HPSE2: variants seen among roughly 807,000 people sequenced by gnomAD.
The protein encoded by HPSE2 is inactive heparanase-2.
HPSE2 carries 38 observed loss-of-function variants against 60.5 expected under a neutral mutation model. The observed-to-expected ratio is 0.63, with a 90% confidence interval of 0.48 to 0.82. The LOEUF is 0.82. Ranked by LOEUF, HPSE2 falls within the 40% of genes least tolerant of loss-of-function variation. The probability of loss-of-function intolerance (pLI) is 0.00; values close to 1 mark genes in which losing one functional copy is unlikely to be tolerated. For missense variants in HPSE2, 713 were observed against 740.4 expected, an observed-to-expected ratio of 0.96 and a Z score of 0.43; for synonymous variants, 295 against 293.2, an observed-to-expected ratio of 1.01 and a Z score of -0.06.
At position 98,897,295 on chromosome 10, in the gene HPSE2, G is replaced by A. The variant is rs538901510; in HGVS notation, c.611-153239C>T. Among the ~76,000 whole-genome samples, 214 of 152,176 alleles carry A rather than the reference G, an allele frequency of 1.4e-3. 1 individual carries two copies. Among genetic ancestry groups the A allele is most frequent in the African/African-American group, 4.9e-3 (202 of 41,540 alleles). The stretch of plus-strand genomic sequence containing the variant: ...GAAATCTCCACTAAAGAAGTTATTC[G>A]TGTAACCAAAAACCAACTGTTGCCC... On this transcript the variant is annotated intron_variant, in intron 3 of 11. Transcript: ENST00000370552.
the HPSE2 span, among the ~76,000 whole-genome samples, chr10:99,300,980 T>A: frequency 1.1e-4 from 16 of 152,208 alleles, no homozygotes; most frequent in African/African-American, 3.9e-4. Context: ...ATGGGGAGTA[T>A]AGATTTGTTC....
chr10:98,472,579 C>T (rs540978419), intron 11 of HPSE2, among the ~76,000 whole-genome samples: 6 of 152,326 alleles, frequency 3.9e-5, no homozygotes, highest in African/African-American at 9.6e-5. Context: ...CAGCTTTCCT[C>T]ACATGGTCTT....
intron 3 of HPSE2, among the ~76,000 whole-genome samples, chr10:99,097,441 T>C (rs1843756911): frequency 6.6e-6 from 1 of 152,200 alleles, no homozygotes; most frequent in African/African-American, 2.4e-5. Flanking sequence ...TCTAATATTC[T>C]GGAAAATAAC....
At chr10:98,885,615 G>A (rs998584599) in intron 3 of HPSE2, among the ~76,000 whole-genome samples, 2 of 152,036 alleles carry the variant, frequency 1.3e-5, no homozygotes, top group African/African-American at 4.8e-5. Context: ...TAGAGACAAG[G>A]CCCTCCACTA....
intron 3 of HPSE2, among the ~76,000 whole-genome samples, chr10:98,887,674 G>A (rs1032433380): frequency 1.3e-5 from 2 of 151,944 alleles, no homozygotes; most frequent in African/African-American, 4.8e-5. Flanking sequence ...AGGAGGGACA[G>A]ACATAATGCA....
chr10:99,063,901 T>C (rs1262013728), intron 3 of HPSE2, among the ~76,000 whole-genome samples: 1 of 152,174 alleles, frequency 6.6e-6, no homozygotes, highest in African/African-American at 2.4e-5. Context: ...GAGATCATCC[T>C]GGCCAACACG....
chr10:98,790,944 C>A (rs1430465197), intron 3 of HPSE2, among the ~76,000 whole-genome samples: 2 of 152,086 alleles, frequency 1.3e-5, no homozygotes, highest in East Asian at 3.9e-4. Context: ...TCAAATGACA[C>A]AGAGACAGGC....
At chr10:98,814,034 G>A (rs1458607164) in intron 3 of HPSE2, among the ~76,000 whole-genome samples, 3 of 152,088 alleles carry the variant, frequency 2.0e-5, no homozygotes, top group Non-Finnish European at 4.4e-5. Context: ...GAGAGTCTAA[G>A]TACCTTGTTA....
intron 3 of HPSE2, among the ~76,000 whole-genome samples, chr10:99,043,579 C>T (rs1027141042): frequency 1.3e-5 from 2 of 152,134 alleles, no homozygotes; most frequent in Admixed American, 1.3e-4. Context: ...CAAGGAAGCT[C>T]ATCAAGATTC....
intron 9 of HPSE2, among the ~76,000 whole-genome samples, chr10:98,608,444 T>C (rs1431333953): frequency 6.6e-6 from 1 of 152,174 alleles, no homozygotes; most frequent in African/African-American, 2.4e-5. Flanking sequence ...GGAGAACTCC[T>C]AGTAGAAAAT....
chr10:98,469,112 C>T (rs1395106042), intron 11 of HPSE2, among the ~76,000 whole-genome samples: 5 of 152,126 alleles, frequency 3.3e-5, no homozygotes, highest in African/African-American at 1.2e-4. Flanking sequence ...CTATCCAAGT[C>T]TGTGTAATAG....
chr10:98,952,420 T>C (rs895263570), intron 3 of HPSE2, among the ~76,000 whole-genome samples: 3 of 150,310 alleles, frequency 2.0e-5, no homozygotes. Flanking sequence ...GAGTGGAAGG[T>C]GGGCTGCAAA....
intron 2 of HPSE2, among the ~76,000 whole-genome samples, chr10:99,174,887 G>A (rs1847461262): frequency 6.6e-6 from 1 of 152,230 alleles, no homozygotes; most frequent in South Asian, 2.1e-4. Flanking sequence ...GAAGGCAGGT[G>A]ATTTCTGCAT....
intron 3 of HPSE2, among the ~76,000 whole-genome samples, chr10:99,125,033 G>A (rs1845110198): frequency 6.6e-6 from 1 of 152,276 alleles, no homozygotes; most frequent in Non-Finnish European, 1.5e-5. Flanking sequence ...AGCAGCAGAA[G>A]ATAGTGGTAT....
At chr10:98,621,584 A>G (rs1433085003) in intron 7 of HPSE2, among the ~76,000 whole-genome samples, 2 of 152,178 alleles carry the variant, frequency 1.3e-5, no homozygotes, top group Admixed American at 6.5e-5. Context: ...GAAAACTAAG[A>G]CAAGGATGCA....
At chr10:98,555,243 G>A (rs1037504561) in intron 9 of HPSE2, among the ~76,000 whole-genome samples, 5 of 152,164 alleles carry the variant, frequency 3.3e-5, no homozygotes, top group African/African-American at 4.8e-5. Flanking sequence ...TTCAGCATTA[G>A]CCTCAGGGAA....
intron 2 of HPSE2, among the ~76,000 whole-genome samples, chr10:99,167,278 G>T (rs997851729): frequency 6.6e-6 from 1 of 151,956 alleles, no homozygotes; most frequent in Non-Finnish European, 1.5e-5. Context: ...CAAAGTGCTG[G>T]GATTACAAGC....
At chr10:98,628,916 A>G (rs1412641196) in intron 7 of HPSE2, among the ~76,000 whole-genome samples, 1 of 128,508 alleles carries the variant, frequency 7.8e-6, no homozygotes, top group Non-Finnish European at 1.7e-5. Flanking sequence ...AAAAGAAAAA[A>G]GAAAAAAAAA....
Position 98,490,044 on chromosome 10 carries a change from G to T in HPSE2, c.1466+7C>A. 1 of 1,614,178 alleles carries T rather than the reference G, an allele frequency of 6.2e-7. No homozygotes were observed. The highest frequency in any genetic ancestry group is 1.1e-5 in the South Asian group (1 of 91,066). On this transcript the variant is annotated splice_region_variant and intron_variant, in intron 10 of 11. Coordinates refer to ENST00000370552, the MANE Select transcript of HPSE2 (RefSeq NM_021828.5). ...GTGGCCTTTCTGCCATCTTTCTGAG[G>T]ACTTACTTGTGGTGGTTTGTGCAGT...
Sources: gnomAD v4.1 joint callset for allele counts (sites outside exome capture counted in the v4.1 genomes callset) on GRCh38, gnomAD v4.1.1 for gene constraint, MANE v1.5 for transcripts, NCBI Gene and HGNC (gene_info 2026-07-23, HGNC 2026-07-21) for gene names.